The following TRIM33 variants were observed in gnomAD, a reference collection of about 807,000 sequenced individuals.
The protein encoded by TRIM33 is E3 ubiquitin-protein ligase TRIM33.
A neutral mutation model predicts 125.4 loss-of-function variants in TRIM33; 20 were observed. The observed-to-expected ratio is 0.16, with a 90% CI of 0.11 to 0.23. The LOEUF is 0.23. TRIM33 is among the 10% of genes least tolerant of loss of function. The pLI, the probability that TRIM33 is intolerant of heterozygous loss-of-function variation, is 1.00. For missense variants in TRIM33, 920 were observed against 1,411.4 expected, an observed-to-expected ratio of 0.65 and a Z score of 5.58; for synonymous variants, 564 against 513.9, an observed-to-expected ratio of 1.10 and a Z score of -1.32.
intron 4 of TRIM33, among the ~76,000 whole-genome samples, chr1:114,453,000 T>C (rs1028505382): frequency 6.6e-6 from 1 of 151,978 alleles, no homozygotes; most frequent in African/African-American, 2.4e-5. Flanking sequence ...TAAAAGTCCT[T>C]AAGTCCAGAG....
intron 11 of TRIM33, 94 bp downstream of exon 11, chr1:114,421,342 A>G: frequency 8.5e-7 from 1 of 1,172,774 alleles, no homozygotes; most frequent in Non-Finnish European, 1.2e-6. Context: ...GGAAATGTTG[A>G]TCCTGAATTA....
At chr1:114,506,071 G>C (rs892056682) in intron 1 of TRIM33, among the ~76,000 whole-genome samples, 6 of 152,086 alleles carry the variant, frequency 3.9e-5, no homozygotes, top group African/African-American at 1.4e-4. Flanking sequence ...CCTTGCCCAA[G>C]GGTTACGTAG....
At chr1:114,472,925 A>G (rs1474610889) in intron 1 of TRIM33, among the ~76,000 whole-genome samples, 4 of 152,132 alleles carry the variant, frequency 2.6e-5, no homozygotes, top group Non-Finnish European at 5.9e-5. Context: ...TGAGCTGAGC[A>G]GAAACAAAAA....
At chr1:114,428,043 G>A in intron 6 of TRIM33, 149 bp from the exon 7 acceptor site, 1 of 790,910 alleles carries the variant, frequency 1.3e-6, no homozygotes, top group Non-Finnish European at 1.9e-6. Flanking sequence ...CCTATCATCA[G>A]AGGAAAAGCC....
chr1:114,427,692 G>A (rs924955036), intron 7 of TRIM33, 56 bp downstream of exon 7: 188 of 1,521,936 alleles, frequency 1.2e-4, no homozygotes, highest in Non-Finnish European at 1.6e-4. Context: ...GCAATTCACT[G>A]AATATATATC....
At position 114,396,745 on chromosome 1, in the gene TRIM33, C is replaced by G. The variant is rs1651560702; in HGVS notation, c.*903G>C. On this transcript the variant is annotated 3_prime_UTR_variant, in exon 20 of 20. Transcript: ENST00000358465. ...ACAGATACTGTTTGCCAATAGTGGT[C>G]TATCAGAAAACTGACATGAAGGAAG... 4.8e-6 allele frequency: 1 copy of G among 207,410 alleles called. No homozygotes were observed. Among genetic ancestry groups the G allele is most frequent in the African/African-American group, 2.3e-5 (1 of 43,896 alleles). 12.8% of individuals were successfully genotyped at this position (207,410 alleles called of 1,614,324 possible). A position where few individuals can be genotyped will look rare whatever the true frequency, so the allele number is the denominator to read the frequency against.
In TRIM33 at chr1:114,424,695, GA is replaced by G; in HGVS notation, c.1755del (p.Gln586LysfsTer5). 6.2e-7 allele frequency: 1 copy of G among 1,611,086 alleles called. No homozygotes were observed. The highest frequency in any genetic ancestry group is 1.1e-5 in the South Asian group (1 of 90,644). On this transcript the variant is annotated frameshift_variant, in exon 10 of 20. Transcript: ENST00000358465. LOFTEE classifies it high-confidence loss of function. ...TGAGCCAGTCTCATCTGATGGGCTT[GA>G]AAAGCTCCACAGTTCATGTTGCCTC... Reference protein sequence around the residue: ...MQRGNMNCGAFQAHQMRLAQN... With the variant: ...MQRGNMNCGAXQAHQMRLAQN...
At chr1:114,484,730 C>T (rs1225874547) in intron 1 of TRIM33, among the ~76,000 whole-genome samples, 1 of 152,024 alleles carries the variant, frequency 6.6e-6, no homozygotes, top group Non-Finnish European at 1.5e-5. Flanking sequence ...CCAGGCATGG[C>T]AGTGTGCACC....
intron 4 of TRIM33, among the ~76,000 whole-genome samples, chr1:114,443,072 CTT>C (rs775765622): frequency 1.1e-4 from 16 of 144,246 alleles, no homozygotes; most frequent in Admixed American, 2.1e-4. Flanking sequence ...TCCTCTCTCC[CTT>C]TTTTTTTTTT....
At chr1:114,476,645 T>C (rs1027032585) in intron 1 of TRIM33, among the ~76,000 whole-genome samples, 5 of 152,076 alleles carry the variant, frequency 3.3e-5, no homozygotes, top group African/African-American at 1.2e-4. Context: ...GAAGTCAGAA[T>C]GGAAACAGAC....
At position 114,393,528 on chromosome 1, in the gene TRIM33, C is replaced by G. The variant is rs1651390851; in HGVS notation, c.*4120G>C. The stretch of plus-strand genomic sequence containing the variant: ...TTGTACACTTTGTAGTTTGATATGA[C>G]AAATATATCCAAATTAACTTATTTT... On this transcript the variant is annotated 3_prime_UTR_variant, in exon 20 of 20. Coordinates refer to ENST00000358465, the MANE Select transcript of TRIM33 (RefSeq NM_015906.4). The G allele has an allele frequency of 5.0e-6, 1 of 199,674 alleles. No individual in the cohort carries two copies. The highest frequency in any genetic ancestry group is 1.0e-5 in the Non-Finnish European group (1 of 96,602). 12.4% of individuals were successfully genotyped at this position (199,674 alleles called of 1,614,324 possible).
At chr1:114,468,507 G>A in intron 1 of TRIM33, 2 of 391,862 alleles carry the variant, frequency 5.1e-6, no homozygotes, top group Non-Finnish European at 4.9e-6. Context: ...TAGGGAAAAA[G>A]GTGCTTCTGA....
At chr1:114,429,115 T>G (rs1221872400) in intron 6 of TRIM33, among the ~76,000 whole-genome samples, 1 of 152,174 alleles carries the variant, frequency 6.6e-6, no homozygotes, top group Non-Finnish European at 1.5e-5. Context: ...GGGAAAAACC[T>G]ATTAGGGTTA....
intron 1 of TRIM33, among the ~76,000 whole-genome samples, chr1:114,477,881 C>T (rs1045297891): frequency 2.6e-5 from 4 of 152,130 alleles, no homozygotes; most frequent in African/African-American, 9.7e-5. Context: ...CTAGAAAACA[C>T]AGGATACCTG....
intron 4 of TRIM33, among the ~76,000 whole-genome samples, chr1:114,450,072 A>C (rs1253567317): frequency 1.3e-5 from 2 of 152,150 alleles, no homozygotes; most frequent in Admixed American, 6.6e-5. Context: ...TTTTATTCTC[A>C]CATTGATTTA....
chr1:114,431,019 T>C (rs553599202), intron 5 of TRIM33, 107 bp from the exon 6 acceptor site: 2 of 706,534 alleles, frequency 2.8e-6, no homozygotes, highest in African/African-American at 1.8e-5. Flanking sequence ...GTAATTAAAA[T>C]GAAAACTTTG....
intron 1 of TRIM33, among the ~76,000 whole-genome samples, chr1:114,487,501 C>T (rs2101518889): frequency 6.6e-6 from 1 of 151,862 alleles, no homozygotes; most frequent in Middle Eastern, 3.4e-3. Flanking sequence ...CACTAATACC[C>T]CTAAAAGCAT....
chr1:114,446,434 T>C (rs1019912808), intron 4 of TRIM33, among the ~76,000 whole-genome samples: 1 of 152,070 alleles, frequency 6.6e-6, no homozygotes, highest in Non-Finnish European at 1.5e-5. Flanking sequence ...GATGTGGCAA[T>C]AGTACAAAGG....
chr1:114,408,773 G>A (rs762327823), intron 12 of TRIM33, 33 bp from the exon 13 acceptor site: 1 of 1,374,046 alleles, frequency 7.3e-7, no homozygotes, highest in Non-Finnish European at 1.0e-6. Flanking sequence ...GAATATCAAT[G>A]CATATAAGAA....
Sources: gnomAD v4.1 joint callset for allele counts (sites outside exome capture counted in the v4.1 genomes callset) on GRCh38, gnomAD v4.1.1 for gene constraint, MANE v1.5 for transcripts, NCBI Gene and HGNC (gene_info 2026-07-23, HGNC 2026-07-21) for gene names.